Variants in KALRN observed in about 807,000 individuals in gnomAD.
The protein encoded by KALRN is kalirin RhoGEF kinase.
A neutral mutation model predicts 353.7 loss-of-function variants in KALRN; 70 were observed. That is an observed-to-expected ratio of 0.20 (90% confidence interval 0.16 to 0.24). The LOEUF (loss-of-function observed/expected upper bound fraction) is 0.24. Ranked by LOEUF, KALRN falls within the 10% of genes least tolerant of loss-of-function variation. KALRN has a pLI of 1.00. For missense variants in KALRN, 2,791 were observed against 3,756.7 expected, an observed-to-expected ratio of 0.74 and a Z score of 6.72; for synonymous variants, 1,391 against 1,434.8, an observed-to-expected ratio of 0.97 and a Z score of 0.69.
At chr3:124,550,275 C>T (rs2070312990) in intron 33 of KALRN, among the ~76,000 whole-genome samples, 1 of 152,016 alleles carries the variant, frequency 6.6e-6, no homozygotes, top group African/African-American at 2.4e-5. Context: ...CTGGGCTGAG[C>T]TATAGTGGAG....
rs761107926 is a variant in KALRN, at chr3:124,398,656, A to G, written c.2172-41A>G. ...TCCTCCTCTGTCACTTTTAACATGG[A>G]AAGGCCTCTCCCTCCCTTTTTTCTC... is the stretch of plus-strand genomic sequence containing the variant. On this transcript the variant is annotated intron_variant, in intron 12 of 59. Coordinates refer to ENST00000682506, the MANE Select transcript of KALRN (RefSeq NM_001388419.1). 45 of 1,607,498 alleles carry G rather than the reference A, an allele frequency of 2.8e-5. No individual in the cohort carries two copies. The Middle Eastern group carries it at 2.6e-3, about 94-fold the overall frequency.
At chr3:124,402,856 T>G (rs868083498) in intron 13 of KALRN, among the ~76,000 whole-genome samples, 11 of 152,316 alleles carry the variant, frequency 7.2e-5, no homozygotes, top group African/African-American at 2.6e-4. Flanking sequence ...GAGATCAGAT[T>G]AGATTGTCAT....
At chr3:124,498,747 T>C (rs1178272263) in intron 33 of KALRN, among the ~76,000 whole-genome samples, 4 of 152,142 alleles carry the variant, frequency 2.6e-5, no homozygotes, top group Admixed American at 2.0e-4. Context: ...GTAATTTAAA[T>C]GTTCTTACTC....
At chr3:124,620,397 C>T (rs2079138353) in intron 34 of KALRN, among the ~76,000 whole-genome samples, 1 of 152,194 alleles carries the variant, frequency 6.6e-6, no homozygotes, top group Non-Finnish European at 1.5e-5. Context: ...AGCCACCACT[C>T]CCGGCCTTGG....
At position 124,674,496 on chromosome 3, in the gene KALRN, T is replaced by A. The variant is rs767344058; in HGVS notation, c.7075T>A (p.Cys2359Ser). The change falls in exon 49 of 60, where the codon TGT (cysteine) becomes AGT (serine). Residue 2359 changes from cysteine to serine, a missense_variant. Cys to Ser is a moderately radical substitution (Grantham distance 112). Transcript: ENST00000682506. ...QVLAVNQQNM[C>S]LVYQPASDHS... is the part of the protein sequence containing the mutation. ...CCTCGCCGTCAACCAGCAGAACATG[T>A]GTCTGGTGTACCAGCCTGCCAGCGA... 1 of 1,614,088 alleles carries A rather than the reference T, an allele frequency of 6.2e-7. No homozygotes were observed.
At chr3:124,279,645 A>G (rs1170598199) in intron 5 of KALRN, among the ~76,000 whole-genome samples, 1 of 152,214 alleles carries the variant, frequency 6.6e-6, no homozygotes, top group Non-Finnish European at 1.5e-5. Flanking sequence ...GCAGGGAGAA[A>G]AGGAAATGGA....
intron 13 of KALRN, among the ~76,000 whole-genome samples, chr3:124,407,204 G>T (rs1441669471): frequency 6.6e-6 from 1 of 152,120 alleles, no homozygotes; most frequent in Non-Finnish European, 1.5e-5. Context: ...TTGGGTTACT[G>T]TGAGGATTTA....
chr3:124,315,779 T>A (rs375573939), intron 6 of KALRN, among the ~76,000 whole-genome samples: 2 of 152,212 alleles, frequency 1.3e-5, no homozygotes, highest in African/African-American at 2.4e-5. Context: ...CCTTTCTTTG[T>A]GGTCTCCTGG....
chr3:124,104,397 G>T (rs543538181), intron 1 of KALRN, among the ~76,000 whole-genome samples: 1 of 152,174 alleles, frequency 6.6e-6, no homozygotes. Context: ...AGGATAAAAA[G>T]GAGAGAACAG....
chr3:124,483,619 A>G (rs1277725540), intron 28 of KALRN, among the ~76,000 whole-genome samples: 1 of 152,210 alleles, frequency 6.6e-6, no homozygotes. Flanking sequence ...GCCAGTTTAC[A>G]TGGGTAGTCG....
rs562311071 is a variant in KALRN at position 124,655,455 on chromosome 3, C to T, written c.5796-146C>T. On this transcript the variant is annotated intron_variant, in intron 38 of 59. Transcript: ENST00000682506. The stretch of plus-strand genomic sequence containing the variant: ...TAGGGCCTCCTCTAGGGAAAGCATC[C>T]GTAAGCATCTTTCCCAGGAGATAAG... 237 of 631,840 alleles carry T rather than the reference C, an allele frequency of 3.8e-4. 1 individual carries two copies. In the South Asian group the frequency reaches 3.8e-3, roughly 10 times the overall value. The allele number at this position is 631,840 out of a possible 1,614,324, so 39.1% of individuals were successfully genotyped here.
intron 33 of KALRN, among the ~76,000 whole-genome samples, chr3:124,545,612 A>G (rs1315289540): frequency 6.6e-6 from 1 of 152,166 alleles, no homozygotes; most frequent in African/African-American, 2.4e-5. Flanking sequence ...TGGAGTCTCT[A>G]GGCTGGGTCT....
chr3:124,238,255 C>T (rs116289238), intron 3 of KALRN, among the ~76,000 whole-genome samples: 1,747 of 152,132 alleles, frequency 0.011, 15 homozygotes, highest in Middle Eastern at 0.02. Flanking sequence ...CAACAAAAAA[C>T]GCAATTCCTG....
intron 1 of KALRN, among the ~76,000 whole-genome samples, chr3:124,143,711 T>C (rs1268992091): frequency 6.6e-6 from 1 of 152,136 alleles, no homozygotes; most frequent in African/African-American, 2.4e-5. Flanking sequence ...CATCTATACA[T>C]AGACAGGCAG....
In KALRN at chr3:124,679,362, C is replaced by T. The variant is rs1346231625; in HGVS notation, c.7318-96C>T. 11 of 1,040,936 alleles carry T rather than the reference C, an allele frequency of 1.1e-5. No individual in the cohort carries two copies. The Admixed American group carries it at 2.2e-4, about 21-fold the overall frequency. The allele number at this position is 1,040,936 out of a possible 1,614,324, so 64.5% of individuals were successfully genotyped here. A position where few individuals can be genotyped will look rare whatever the true frequency, so the allele number is the denominator to read the frequency against. On this transcript the variant is annotated intron_variant, in intron 50 of 59. Coordinates refer to ENST00000682506, the MANE Select transcript of KALRN (RefSeq NM_001388419.1). The stretch of plus-strand genomic sequence containing the variant: ...TTTTCTCTGCCCAAGATCCCATCGC[C>T]CATGCTTCTCTGAAGTTCTCCTCTC...
chr3:124,408,556 A>G (rs2091830908), intron 13 of KALRN, among the ~76,000 whole-genome samples: 1 of 152,246 alleles, frequency 6.6e-6, no homozygotes, highest in African/African-American at 2.4e-5. Context: ...TGCCTGCCCC[A>G]TAATAAATGC....
At chr3:124,244,838 C>T (rs1019744553) in intron 3 of KALRN, among the ~76,000 whole-genome samples, 1 of 151,798 alleles carries the variant, frequency 6.6e-6, no homozygotes, top group Non-Finnish European at 1.5e-5. Flanking sequence ...TTAGTTGTTA[C>T]ATATATAATT....
intron 38 of KALRN, among the ~76,000 whole-genome samples, chr3:124,652,456 G>C (rs1249187611): frequency 6.6e-6 from 1 of 152,204 alleles, no homozygotes; most frequent in Admixed American, 6.5e-5. Flanking sequence ...TAGCTTCTCA[G>C]GTTGTTGTTA....
chr3:124,114,315 C>T (rs1461230904), intron 1 of KALRN, among the ~76,000 whole-genome samples: 4 of 152,150 alleles, frequency 2.6e-5, no homozygotes, highest in Non-Finnish European at 5.9e-5. Context: ...CTCTTTTTCC[C>T]AGGGGTTCTT....
Sources: gnomAD v4.1 joint callset for allele counts (sites outside exome capture counted in the v4.1 genomes callset) on GRCh38, gnomAD v4.1.1 for gene constraint, MANE v1.5 for transcripts, NCBI Gene and HGNC (gene_info 2026-07-23, HGNC 2026-07-21) for gene names.